The following GCNA variants were observed in gnomAD, a reference collection of about 807,000 sequenced individuals.
The protein encoded by GCNA is germ cell nuclear acidic protein.
Under a neutral mutation model 38.8 loss-of-function variants are expected in GCNA, and 3 were observed. The ratio of observed to expected loss-of-function variants is 0.08; its 90% confidence interval spans 0.04 to 0.20. The LOEUF (loss-of-function observed/expected upper bound fraction) is 0.20. Ranked by LOEUF, GCNA falls within the 10% of genes least tolerant of loss-of-function variation. The pLI is 1.00. For missense variants in GCNA, 446 were observed against 578.6 expected, an observed-to-expected ratio of 0.77 and a Z score of 2.35; for synonymous variants, 195 against 240.2, an observed-to-expected ratio of 0.81 and a Z score of 1.74.
chrX:71,588,872 CTTTTATAACTTTT>C (rs1326868987), intron 2 of GCNA, among the ~76,000 whole-genome samples: 1 of 100,512 alleles, frequency 9.9e-6, no homozygotes, highest in African/African-American at 3.8e-5. Flanking sequence ...TTTTTTGGAT[CTTTTATAACTTTT>C]TTTTAAGTTT....
chrX:71,579,056 G>A (rs1302389412), intron 1 of GCNA, among the ~76,000 whole-genome samples: 2 of 105,436 alleles, frequency 1.9e-5, no homozygotes, highest in African/African-American at 3.5e-5. Context: ...CACCATTGGC[G>A]GCCTTGGGGG....
chrX:71,579,585 G>T (rs1309995772), intron 1 of GCNA, among the ~76,000 whole-genome samples: 1 of 103,733 alleles, frequency 9.6e-6, no homozygotes, highest in Admixed American at 1.0e-4. Context: ...TGCAGCATTG[G>T]GGGGAGGTGG....
chrX:71,603,076 T>A (rs1046942113), intron 7 of GCNA, among the ~76,000 whole-genome samples: 1 of 112,117 alleles, frequency 8.9e-6, no homozygotes, highest in Non-Finnish European at 1.9e-5. Context: ...TTTTCTAAAA[T>A]GAGTTTGCTG....
intron 9 of GCNA, among the ~76,000 whole-genome samples, chrX:71,606,739 C>G (rs1407952976): frequency 8.9e-6 from 1 of 111,885 alleles, no homozygotes; most frequent in Non-Finnish European, 1.9e-5. Context: ...GCCAAGTACT[C>G]TCTTAGCTGG....
intron 7 of GCNA, among the ~76,000 whole-genome samples, chrX:71,600,398 T>C (rs959248151): frequency 6.3e-5 from 7 of 111,900 alleles, no homozygotes. Flanking sequence ...CAAGACATAA[T>C]CACAAAATAA....
At chrX:71,594,559 A>G (rs766713770) in intron 5 of GCNA, among the ~76,000 whole-genome samples, 182 bp downstream of exon 5, 1,504 of 94,115 alleles carry the variant, frequency 0.016, 16 homozygotes, top group Middle Eastern at 0.059. Context: ...CTTCTTTTCC[A>G]ACTTACTTTC....
rs1183190129 is a variant in GCNA, at chrX:71,604,212, C to T, written c.935C>T (p.Ser312Leu). ...SEAPDDKSDD[S>L]DVPEDKSDDS... ...GCTCCCGACGACAAGAGTGATGATT[C>T]GGATGTTCCCGAAGACAAGAGTGAT... The change falls in exon 8 of 13, where the codon TCG becomes TTG. Residue 312 changes from serine to leucine, a missense_variant. Ser to Leu is a moderately radical substitution (Grantham distance 145). Transcript: ENST00000373696. 2.2e-5 allele frequency: 27 copies of T among 1,212,368 alleles called. No homozygotes were observed. Among genetic ancestry groups the T allele is most frequent in the African/African-American group, 1.2e-4 (7 of 57,986 alleles).
intron 11 of GCNA, 124 bp from the exon 12 acceptor site, chrX:71,612,231 T>G (rs12842785): frequency 5.7e-6 from 3 of 523,548 alleles, no homozygotes; most frequent in African/African-American, 5.9e-5. Context: ...TGAGCTGAGA[T>G]CATGCCATTA....
intron 9 of GCNA, among the ~76,000 whole-genome samples, chrX:71,608,507 C>T (rs1188715640): frequency 5.4e-5 from 6 of 112,080 alleles, no homozygotes; most frequent in African/African-American, 1.6e-4. Context: ...CTCCTGACCT[C>T]GTGATCCGCC....
At chrX:71,580,939 C>T (rs1602165329) in intron 2 of GCNA, 59 bp downstream of exon 2, 1 of 1,052,390 alleles carries the variant, frequency 9.5e-7, no homozygotes, top group African/African-American at 1.9e-5. Flanking sequence ...GGCAAAACAG[C>T]TTTCTCGAGA....
intron 2 of GCNA, among the ~76,000 whole-genome samples, chrX:71,586,018 AG>A (rs776564292): frequency 1.8e-5 from 2 of 110,142 alleles, no homozygotes; most frequent in East Asian, 5.6e-4. Flanking sequence ...ACACGTAAAC[AG>A]GTAGTTAAAG....
chrX:71,578,763 C>T (rs2040520387), intron 1 of GCNA, among the ~76,000 whole-genome samples: 1 of 101,676 alleles, frequency 9.8e-6, no homozygotes, highest in African/African-American at 3.6e-5. Context: ...CCAGTGGCGG[C>T]ATTGGGAGGG....
chrX:71,586,546 G>T (rs1371058504), intron 2 of GCNA, among the ~76,000 whole-genome samples: 2 of 111,833 alleles, frequency 1.8e-5, no homozygotes, highest in Non-Finnish European at 3.8e-5. Context: ...GAGATGGGTA[G>T]GGCTGGGATA....
intron 9 of GCNA, 126 bp downstream of exon 9, chrX:71,605,855 G>T: frequency 1.9e-6 from 1 of 516,578 alleles, no homozygotes; most frequent in Non-Finnish European, 3.0e-6. Context: ...GGGACTGGGG[G>T]ACAAGGTTTC....
Position 71,613,144 on chromosome X carries a change from G to A in GCNA, c.*162G>A. The A allele has an allele frequency of 1.5e-6, 1 of 684,358 alleles. No individual in the cohort carries two copies. Among genetic ancestry groups the A allele is most frequent in the Non-Finnish European group, 2.1e-6 (1 of 485,791 alleles). 56.4% of individuals were successfully genotyped at this position (684,358 alleles called of 1,213,427 possible). A position where few individuals can be genotyped will look rare whatever the true frequency, so the allele number is the denominator to read the frequency against. ...ATTAATGTGAGCTATATCCTTTACT[G>A]GTAAGAAGTTTTAGAAAAGTTTGTT... On this transcript the variant is annotated 3_prime_UTR_variant, in exon 13 of 13. Transcript: ENST00000373696.
At chrX:71,608,680 G>A (rs1292261499) in intron 9 of GCNA, among the ~76,000 whole-genome samples, 2 of 112,773 alleles carry the variant, frequency 1.8e-5, no homozygotes, top group Admixed American at 1.9e-4. Flanking sequence ...TCAGTTGGAA[G>A]TTTGCACTGG....
chrX:71,595,364 G>A (rs961335790), intron 6 of GCNA, among the ~76,000 whole-genome samples: 3 of 111,842 alleles, frequency 2.7e-5, no homozygotes, highest in Non-Finnish European at 1.9e-5. Context: ...CCAAAGTTCT[G>A]GGATTACAGG....
chrX:71,592,227 A>G (rs1404182871), intron 3 of GCNA, 59 bp downstream of exon 3: 4 of 1,037,832 alleles, frequency 3.9e-6, no homozygotes, highest in Non-Finnish European at 5.3e-6. Context: ...AGATGACTCA[A>G]CTGTGATTTG....
At chrX:71,592,077 C>T (rs189524153) in intron 2 of GCNA, 45 bp from the exon 3 acceptor site, 26 of 948,907 alleles carry the variant, frequency 2.7e-5, no homozygotes, top group African/African-American at 2.3e-4. Flanking sequence ...TTGCTTATGG[C>T]GTCGATAGCC....
Sources: gnomAD v4.1 joint callset for allele counts (sites outside exome capture counted in the v4.1 genomes callset) on GRCh38, gnomAD v4.1.1 for gene constraint, MANE v1.5 for transcripts, NCBI Gene and HGNC (gene_info 2026-07-23, HGNC 2026-07-21) for gene names.